The following TRIM71 variants were observed in gnomAD, a reference collection of about 807,000 sequenced individuals.
TRIM71 encodes the protein tripartite motif containing 71.
TRIM71 carries 9 observed loss-of-function variants against 61.2 expected under a neutral mutation model. The observed-to-expected ratio is 0.15, with a 90% CI of 0.09 to 0.26. The LOEUF is 0.26. Ranked by LOEUF, TRIM71 falls within the 10% of genes least tolerant of loss-of-function variation. TRIM71 has a pLI of 1.00. For synonymous variants in TRIM71, 645 were observed against 553.2 expected (o/e 1.17, Z -2.33); for missense variants, 998 against 1,238.7 (o/e 0.81, Z 2.92).
intron 1 of TRIM71, among the ~76,000 whole-genome samples, chr3:32,864,892 G>GTT (rs1696715026): frequency 7.1e-6 from 1 of 140,488 alleles, no homozygotes; most frequent in African/African-American, 2.7e-5. Context: ...GTGTGTGTGT[G>GTT]TTCACAAAGG....
At chr3:32,822,955 AAGGAAGG>A (rs1696158165) in intron 1 of TRIM71, among the ~76,000 whole-genome samples, 1 of 152,202 alleles carries the variant, frequency 6.6e-6, no homozygotes, top group Non-Finnish European at 1.5e-5. Context: ...AATTTTTTTA[AAGGAAGG>A]ACAAGGAGAG....
intron 1 of TRIM71, among the ~76,000 whole-genome samples, chr3:32,840,527 T>G (rs187264379): frequency 1.3e-3 from 193 of 152,334 alleles, no homozygotes; most frequent in African/African-American, 4.5e-3. Flanking sequence ...AATTGCCTTC[T>G]GTGTTTATAA....
At chr3:32,832,533 T>G (rs1696284096) in intron 1 of TRIM71, among the ~76,000 whole-genome samples, 1 of 152,148 alleles carries the variant, frequency 6.6e-6, no homozygotes, top group African/African-American at 2.4e-5. Flanking sequence ...TGAACAGTAC[T>G]CTTGGGGAAT....
chr3:32,888,484 G>T (rs1696985048), intron 3 of TRIM71, among the ~76,000 whole-genome samples: 2 of 138,644 alleles, frequency 1.4e-5, no homozygotes, highest in African/African-American at 2.6e-5. Context: ...GGTGCCCTGT[G>T]GTGGTGGTCT....
chr3:32,853,151 C>G (rs924856831), intron 1 of TRIM71, among the ~76,000 whole-genome samples: 3 of 140,676 alleles, frequency 2.1e-5, no homozygotes, highest in Non-Finnish European at 4.5e-5. Flanking sequence ...CAGTCTCACT[C>G]TGTCACCCAG....
chr3:32,856,183 A>AT (rs993145084), intron 1 of TRIM71, among the ~76,000 whole-genome samples: 6 of 151,782 alleles, frequency 4.0e-5, no homozygotes, highest in Non-Finnish European at 8.8e-5. Context: ...ACGCCCGGCT[A>AT]TTTTTTTGTA....
intron 1 of TRIM71, among the ~76,000 whole-genome samples, chr3:32,867,337 T>C (rs1025875027): frequency 1.3e-5 from 2 of 152,208 alleles, no homozygotes; most frequent in African/African-American, 4.8e-5. Context: ...TGCAGTGAAA[T>C]ACATAAACAT....
At chr3:32,840,003 CCA>C (rs1162715395) in intron 1 of TRIM71, among the ~76,000 whole-genome samples, 1 of 152,158 alleles carries the variant, frequency 6.6e-6, no homozygotes, top group Non-Finnish European at 1.5e-5. Flanking sequence ...TTCAAACGCT[CCA>C]GTTTAAAAAC....
chr3:32,863,777 G>A (rs551925715), intron 1 of TRIM71, among the ~76,000 whole-genome samples: 7 of 152,032 alleles, frequency 4.6e-5, no homozygotes, highest in South Asian at 2.1e-4. Context: ...TGCCTCCCGG[G>A]TTCAAGCAAT....
chr3:32,874,344 ACTACTACTACTACTACTACTACT>A lies in TRIM71; in HGVS notation c.1020+360_1020+382del. 1.3e-5 allele frequency among the ~76,000 whole-genome samples: 2 copies of A among 150,062 alleles called. 1 individual carries two copies. Among genetic ancestry groups the A allele is most frequent in the Non-Finnish European group, 3.0e-5 (2 of 67,664 alleles). On this transcript the variant is annotated intron_variant, in intron 2 of 3. Transcript: ENST00000383763. ...GCTTATTACTACTACTACTACTACTACTACTACTACTACTACTACTACTACAACATATTTTTTGAGATGAGTCT... is the reference window on the plus strand; with the variant it reads ...GCTTATTACTACTACTACTACTACTAACAACATATTTTTTGAGATGAGTCT...
intron 1 of TRIM71, among the ~76,000 whole-genome samples, chr3:32,849,318 G>A (rs1002559982): frequency 2.6e-5 from 4 of 152,194 alleles, no homozygotes; most frequent in Non-Finnish European, 5.9e-5. Context: ...TTTAAACAGT[G>A]TGGTTAGAGG....
chr3:32,855,339 C>G (rs552682391), intron 1 of TRIM71, among the ~76,000 whole-genome samples: 31 of 150,150 alleles, frequency 2.1e-4, no homozygotes, highest in Non-Finnish European at 3.5e-4. Flanking sequence ...GGGAAAGTGT[C>G]TAGGGAGGTA....
chr3:32,819,986 T>G (rs1231745597), intron 1 of TRIM71, among the ~76,000 whole-genome samples: 1 of 152,148 alleles, frequency 6.6e-6, no homozygotes, highest in Admixed American at 6.5e-5. Context: ...CCTTTCCACT[T>G]TGGTATTATG....
intron 1 of TRIM71, among the ~76,000 whole-genome samples, chr3:32,857,010 T>C (rs1335743072): frequency 1.3e-5 from 2 of 152,068 alleles, no homozygotes; most frequent in Non-Finnish European, 2.9e-5. Flanking sequence ...CCACTCAACA[T>C]TTGAACCCGG....
intron 1 of TRIM71, among the ~76,000 whole-genome samples, chr3:32,827,152 A>G (rs1023381395): frequency 3.9e-5 from 6 of 152,338 alleles, no homozygotes; most frequent in African/African-American, 1.4e-4. Context: ...ACAATTTTCC[A>G]CATAGAAGTA....
intron 1 of TRIM71, among the ~76,000 whole-genome samples, chr3:32,841,341 T>C (rs990134452): frequency 5.9e-5 from 9 of 152,056 alleles, no homozygotes; most frequent in African/African-American, 2.2e-4. Context: ...ATTATACTAT[T>C]GTTTTGGGAG....
At chr3:32,837,789 G>C (rs973068285) in intron 1 of TRIM71, among the ~76,000 whole-genome samples, 3 of 150,972 alleles carry the variant, frequency 2.0e-5, no homozygotes, top group African/African-American at 7.3e-5. Context: ...CTGGGTGACA[G>C]AGCGAGACTC....
At chr3:32,885,881 A>G (rs1173603726) in intron 2 of TRIM71, 53 bp from the exon 3 acceptor site, 6 of 1,576,268 alleles carry the variant, frequency 3.8e-6, no homozygotes, top group Non-Finnish European at 5.2e-6. Flanking sequence ...TGTTTTGTAT[A>G]AGGAATGACA....
intron 1 of TRIM71, among the ~76,000 whole-genome samples, chr3:32,848,823 A>T (rs1476906106): frequency 6.6e-6 from 1 of 152,074 alleles, no homozygotes; most frequent in Non-Finnish European, 1.5e-5. Context: ...GTCACAGGAC[A>T]ACCAGAAAGC....
Sources: gnomAD v4.1 joint callset for allele counts (sites outside exome capture counted in the v4.1 genomes callset) on GRCh38, gnomAD v4.1.1 for gene constraint, MANE v1.5 for transcripts, NCBI Gene and HGNC (gene_info 2026-07-23, HGNC 2026-07-21) for gene names.